The following MYO18B variants were observed in gnomAD, a reference collection of about 807,000 sequenced individuals.
MYO18B encodes the protein unconventional myosin-XVIIIb.
A neutral mutation model predicts 273.0 loss-of-function variants in MYO18B; 204 were observed. The observed-to-expected ratio is 0.75, with a 90% confidence interval of 0.67 to 0.84. The LOEUF (loss-of-function observed/expected upper bound fraction) is 0.84. Among genes scored for constraint, MYO18B ranks in the 40% least tolerant of loss-of-function variants. The probability of loss-of-function intolerance (pLI) is 0.00; values close to 1 mark genes in which losing one functional copy is unlikely to be tolerated. For missense variants in MYO18B, 3,212 were observed against 3,287.6 expected (o/e 0.98, Z 0.56); for synonymous variants, 1,330 against 1,305.7 (o/e 1.02, Z -0.40).
chr22:25,918,446 T>A (rs1281395799), intron 33 of MYO18B, among the ~76,000 whole-genome samples: 1 of 152,274 alleles, frequency 6.6e-6, no homozygotes, highest in African/African-American at 2.4e-5. Context: ...TATCAAAGTT[T>A]GAATCTTTGT....
chr22:25,804,093 G>T (rs1004914029), intron 12 of MYO18B, among the ~76,000 whole-genome samples: 2 of 151,790 alleles, frequency 1.3e-5, no homozygotes, highest in South Asian at 2.1e-4. Flanking sequence ...GCCAACACTG[G>T]CAGGTAGCTA....
intron 39 of MYO18B, among the ~76,000 whole-genome samples, chr22:25,978,192 G>A (rs1011339699): frequency 1.6e-3 from 244 of 151,778 alleles, no homozygotes; most frequent in Non-Finnish European, 3.0e-3. Flanking sequence ...CTAGTGGCTT[G>A]TACAAATGCT....
At chr22:25,785,904 CA>C (rs1207532066) in intron 11 of MYO18B, among the ~76,000 whole-genome samples, 1 of 152,116 alleles carries the variant, frequency 6.6e-6, no homozygotes, top group Non-Finnish European at 1.5e-5. Flanking sequence ...GTGCTTAGAA[CA>C]GGGCTTGGCC....
the MYO18B span, among the ~76,000 whole-genome samples, chr22:26,040,755 G>A: frequency 6.6e-6 from 1 of 152,078 alleles, no homozygotes; most frequent in Non-Finnish European, 1.5e-5. Context: ...CATGAGTGGC[G>A]GGTTTGAGCA....
rs1434340165 is a variant in MYO18B at position 25,878,048 on chromosome 22, G to C, written c.4314G>C (p.Lys1438Asn). 6.3e-7 allele frequency: 1 copy of C among 1,575,808 alleles called. No individual in the cohort carries two copies. The highest frequency in any genetic ancestry group is 2.3e-5 in the East Asian group (1 of 42,994). The change falls in exon 25 of 44, where the codon AAG becomes AAC. Residue 1438 changes from lysine to asparagine, a missense_variant and splice_region_variant. Coordinates refer to ENST00000335473, the MANE Select transcript of MYO18B (RefSeq NM_032608.7). ...AGAACACAGATCTGCTAGAAAGCAA[G>C]GTATCCCCATCCCTCCTCTTGGGTC... ...LRQNTDLLES[K>N]IADLTSDLAD... is the part of the protein sequence containing the mutation.
At chr22:25,970,751 G>T (rs552806953) in intron 39 of MYO18B, among the ~76,000 whole-genome samples, 1 of 152,208 alleles carries the variant, frequency 6.6e-6, no homozygotes, top group Non-Finnish European at 1.5e-5. Flanking sequence ...GGTGGAAGAT[G>T]ATGTGGTTGA....
At chr22:25,770,775 G>A (rs966385557) in intron 5 of MYO18B, 97 bp from the exon 6 acceptor site, 5 of 848,134 alleles carry the variant, frequency 5.9e-6, no homozygotes, top group Admixed American at 2.2e-5. Flanking sequence ...TTGCTGGCCC[G>A]GCTTAGAGCC....
At chr22:25,794,476 A>ACC (rs2087819945) in intron 11 of MYO18B, among the ~76,000 whole-genome samples, 1 of 145,184 alleles carries the variant, frequency 6.9e-6, no homozygotes, top group African/African-American at 2.6e-5. Flanking sequence ...ATGAGCCACC[A>ACC]CAGCTGGCCA....
At chr22:25,962,604 A>G (rs1395539461) in intron 39 of MYO18B, among the ~76,000 whole-genome samples, 2 of 152,170 alleles carry the variant, frequency 1.3e-5, no homozygotes, top group African/African-American at 2.4e-5. Context: ...GTGCCCTTGC[A>G]TTTCTCAAGA....
Position 25,833,001 on chromosome 22 carries a change from A to T in MYO18B, c.3060+4A>T, listed in dbSNP as rs1047442948. The T allele has an allele frequency of 1.2e-6, 2 of 1,613,686 alleles. No individual in the cohort carries two copies. The highest frequency in any genetic ancestry group is 1.3e-5 in the African/African-American group (1 of 75,006). ...TGTGGATCAAAATCCCTCTCAGGTA[A>T]CACAGGGCCCAGCCAATCCAGGCTC... On this transcript the variant is annotated splice_donor_region_variant and intron_variant, in intron 16 of 43. Coordinates refer to ENST00000335473, the MANE Select transcript of MYO18B (RefSeq NM_032608.7).
At chr22:25,804,245 A>G (rs2088360984) in intron 12 of MYO18B, among the ~76,000 whole-genome samples, 1 of 152,066 alleles carries the variant, frequency 6.6e-6, no homozygotes, top group African/African-American at 2.4e-5. Context: ...CTTTTCACAC[A>G]AAACCCAGCC....
rs749180810 is a variant in MYO18B at position 25,846,853 on chromosome 22, G to T, written c.3552+570G>T. ...TTCCAGCACTTTGGGAGGCCAAGGC[G>T]GGCAGATCACGAGGTCACGAGTTCG... On this transcript the variant is annotated intron_variant, in intron 19 of 43. Transcript: ENST00000335473. Among the ~76,000 whole-genome samples, 2 of 152,136 alleles carry T rather than the reference G, an allele frequency of 1.3e-5. 1 individual carries two copies. The highest frequency in any genetic ancestry group is 2.9e-5 in the Non-Finnish European group (2 of 68,030).
At chr22:25,993,382 A>C (rs1932909208) in intron 40 of MYO18B, among the ~76,000 whole-genome samples, 1 of 152,108 alleles carries the variant, frequency 6.6e-6, no homozygotes, top group African/African-American at 2.4e-5. Context: ...CTTTCCTTAC[A>C]CAGCTTTTCA....
At position 25,953,089 on chromosome 22, in the gene MYO18B, A is replaced by G. The variant is rs138919050; in HGVS notation, c.5970+666A>G. ...GCATTAATGCTGAACCTTGAAGGAC[A>G]GGTAAGACTTGGATGGGCTGGGGTG... On this transcript the variant is annotated intron_variant, in intron 38 of 43. Coordinates refer to ENST00000335473, the MANE Select transcript of MYO18B (RefSeq NM_032608.7). Among the ~76,000 whole-genome samples the G allele has an allele frequency of 2.4e-4, 37 of 152,362 alleles. No individual in the cohort carries two copies. In the South Asian group the frequency reaches 7.0e-3, roughly 29 times the overall value.
At chr22:26,003,126 G>T in intron 40 of MYO18B, 139 bp from the exon 41 acceptor site, 1 of 735,122 alleles carries the variant, frequency 1.4e-6, no homozygotes, top group Non-Finnish European at 2.4e-6. Context: ...CTCAGGGAAG[G>T]CAAGTGACTT....
intron 17 of MYO18B, among the ~76,000 whole-genome samples, chr22:25,839,642 C>T (rs1400910928): frequency 6.6e-6 from 1 of 152,190 alleles, no homozygotes; most frequent in Non-Finnish European, 1.5e-5. Flanking sequence ...ACCTGGGTTG[C>T]CTTACTGCAA....
At chr22:26,045,128 C>G in the MYO18B span, among the ~76,000 whole-genome samples, 2 of 151,708 alleles carry the variant, frequency 1.3e-5, no homozygotes, top group African/African-American at 2.4e-5. Flanking sequence ...AGTTTTAAGC[C>G]TAGGTCTCAA....
intron 23 of MYO18B, 125 bp from the exon 24 acceptor site, chr22:25,876,064 A>C: frequency 1.3e-6 from 1 of 763,608 alleles, no homozygotes; most frequent in Admixed American, 2.5e-5. Context: ...TAAGGTATCC[A>C]GTCCCTTCCA....
At chr22:26,055,869 A>T in the MYO18B span, among the ~76,000 whole-genome samples, 1 of 152,228 alleles carries the variant, frequency 6.6e-6, no homozygotes. Context: ...TTAGATGTCA[A>T]ACTGGCTTGA....
Sources: allele counts gnomAD v4.1 joint callset (sites outside exome capture counted in the v4.1 genomes callset), GRCh38; gene constraint gnomAD v4.1.1; transcripts MANE v1.5; gene names NCBI Gene and HGNC (gene_info 2026-07-23, HGNC 2026-07-21).